The following DCDC2B variants were observed in gnomAD, a reference collection of about 807,000 sequenced individuals.
The protein encoded by DCDC2B is doublecortin domain containing 2B.
A neutral mutation model predicts 38.9 loss-of-function variants in DCDC2B; 41 were observed. The ratio of observed to expected loss-of-function variants is 1.05; its 90% CI spans 0.82 to 1.37. The LOEUF is 1.37. DCDC2B is among the 40% of genes most tolerant of loss of function. The pLI is 0.00. For synonymous variants in DCDC2B, 181 were observed against 171.9 expected (o/e 1.05, Z -0.41); for missense variants, 453 against 427.2 (o/e 1.06, Z -0.53).
chr1:32,209,676 A>AC (rs1643501074), intron 1 of DCDC2B, among the ~76,000 whole-genome samples: 1 of 151,408 alleles, frequency 6.6e-6, no homozygotes, highest in African/African-American at 2.4e-5. Flanking sequence ...TCTTGCTTGG[A>AC]CCCCCTATCA....
intron 3 of DCDC2B, 51 bp from the exon 4 acceptor site, chr1:32,212,015 CCTCA>C (rs1643605912): frequency 6.3e-7 from 1 of 1,587,004 alleles, no homozygotes; most frequent in South Asian, 1.1e-5. Flanking sequence ...CCACCCTTCC[CCTCA>C]CATGTAGGGA....
rs749490106 is a variant in DCDC2B at position 32,211,313 on chromosome 1, G to C, written c.308G>C (p.Cys103Ser). Residue 103 changes from cysteine to serine, a missense_variant, in exon 2 of 9, where the codon TGC becomes TCC. Coordinates refer to ENST00000409358, the MANE Select transcript of DCDC2B (RefSeq NM_001099434.2). ...GGGAAGGACCCAGGTGGGAAGAGCT[G>C]CAGACTACAAGTGAGTCCCGGGGAA... ...HRGKDPGGKS[C>S]RLQGPPVTRH... 1 of 1,613,846 alleles carries C rather than the reference G, an allele frequency of 6.2e-7. No homozygotes were observed. Among genetic ancestry groups the C allele is most frequent in the Non-Finnish European group, 8.5e-7 (1 of 1,179,840 alleles).
In DCDC2B at chr1:32,215,537, G is replaced by C; in HGVS notation, c.948G>C (p.Leu316Phe). 1 of 1,613,260 alleles carries C rather than the reference G, an allele frequency of 6.2e-7. No individual in the cohort carries two copies. The change falls in exon 8 of 9, where the codon TTG becomes TTC. Residue 316 changes from leucine to phenylalanine, a missense_variant. Coordinates refer to ENST00000409358, the MANE Select transcript of DCDC2B (RefSeq NM_001099434.2). ...DDEDTQTEEPLDQRAAQIVEE... is the reference protein window; with the variant it reads ...DDEDTQTEEPFDQRAAQIVEE... The stretch of plus-strand genomic sequence containing the variant: ...AAGACACTCAGACAGAGGAGCCCTT[G>C]GATCAGGTAAGCTGTTGGATCAGGA...
intron 1 of DCDC2B, 111 bp downstream of exon 1, chr1:32,209,470 T>C: frequency 2.7e-6 from 4 of 1,460,350 alleles, no homozygotes; most frequent in Non-Finnish European, 1.8e-6. Context: ...TACTGAACTC[T>C]ATGTAGGGGG....
chr1:32,211,711 T>C, intron 2 of DCDC2B, 50 bp from the exon 3 acceptor site: 2 of 1,557,654 alleles, frequency 1.3e-6, no homozygotes, highest in Non-Finnish European at 1.7e-6. Flanking sequence ...GGCCCACCCC[T>C]AACCAAAGGC....
intron 1 of DCDC2B, 46 bp downstream of exon 1, chr1:32,209,405 G>GTT: frequency 6.2e-7 from 1 of 1,601,874 alleles, no homozygotes; most frequent in Non-Finnish European, 8.5e-7. Flanking sequence ...GGGAGGTAAC[G>GTT]GCAAGAGCGT....
rs542794893 is a variant in DCDC2B, at chr1:32,211,388, A to G, written c.318+65A>G. On this transcript the variant is annotated intron_variant, in intron 2 of 8. Coordinates refer to ENST00000409358, the MANE Select transcript of DCDC2B (RefSeq NM_001099434.2). ...CCCACTCCTCCTGGAACTGCCCCCA[A>G]TTTGGTCTGGGAAGCCAGGGAAGCA... The G allele has an allele frequency of 1.0e-4, 163 of 1,577,138 alleles. 3 individuals are homozygous for G. In the South Asian group the frequency reaches 1.7e-3, roughly 16 times the overall value.
rs1643721585 is a variant in DCDC2B at position 32,214,566 on chromosome 1, G to C, written c.715-231G>C. On this transcript the variant is annotated intron_variant, in intron 6 of 8. Coordinates refer to ENST00000409358, the MANE Select transcript of DCDC2B (RefSeq NM_001099434.2). ...ATGGTGGTGGGGGTGGGGAAGCACA[G>C]TCTGGTTTCACTGGGCATCGAGGAG... The C allele has an allele frequency of 2.7e-5, 15 of 551,186 alleles. 1 individual carries two copies. The highest frequency in any genetic ancestry group is 2.3e-4 in the South Asian group (11 of 46,878). 34.1% of individuals were successfully genotyped at this position (551,186 alleles called of 1,614,324 possible).
chr1:32,211,284 T>C lies in DCDC2B; in HGVS notation c.279T>C (p.His93=). Residue 93 remains histidine, a synonymous_variant, in exon 2 of 9, where the codon CAT becomes CAC. Coordinates refer to ENST00000409358, the MANE Select transcript of DCDC2B (RefSeq NM_001099434.2). ...ERFHKLHYLP[H]RGKDPGGKSC... The stretch of plus-strand genomic sequence containing the variant: ...TCTGTCCTTTCAGCTATTTACCCCA[T>C]AGAGGGAAGGACCCAGGTGGGAAGA... The C allele has an allele frequency of 6.2e-7, 1 of 1,613,740 alleles. No homozygotes were observed. Among genetic ancestry groups the C allele is most frequent in the African/African-American group, 1.3e-5 (1 of 75,010 alleles).
At chr1:32,210,423 G>A (rs1005201916) in intron 1 of DCDC2B, among the ~76,000 whole-genome samples, 6 of 150,750 alleles carry the variant, frequency 4.0e-5, no homozygotes, top group African/African-American at 7.3e-5. Context: ...GCTTGAACCC[G>A]TGAGGCGGAG....
chr1:32,210,241 C>T (rs528779797), intron 1 of DCDC2B, among the ~76,000 whole-genome samples: 2 of 151,158 alleles, frequency 1.3e-5, no homozygotes, highest in Admixed American at 6.6e-5. Flanking sequence ...GCAGGAGAAT[C>T]GCTTGAACCT....
At chr1:32,215,386 A>C in intron 7 of DCDC2B, 54 bp from the exon 8 acceptor site, 1 of 1,460,606 alleles carries the variant, frequency 6.8e-7, no homozygotes, top group South Asian at 1.2e-5. Flanking sequence ...CCAGGGCAGG[A>C]ATGCTGAGGG....
At chr1:32,215,636 CT>C (rs1269866242) in intron 8 of DCDC2B, 93 bp downstream of exon 8, 21 of 1,237,322 alleles carry the variant, frequency 1.7e-5, no homozygotes, top group Non-Finnish European at 2.0e-5. Context: ...GTTCTCCTCC[CT>C]TGTGATTGAA....
chr1:32,213,932 G>A (rs1013097468), intron 6 of DCDC2B, among the ~76,000 whole-genome samples: 5 of 151,908 alleles, frequency 3.3e-5, no homozygotes, highest in East Asian at 2.0e-4. Context: ...GATTACAGTC[G>A]TGAGCCACCT....
chr1:32,211,258 A>T lies in DCDC2B; in HGVS notation c.267-14A>T. ...GTCTCCACAAGATGACCTGTGATCT[A>T]TCTGTCCTTTCAGCTATTTACCCCA... On this transcript the variant is annotated splice_polypyrimidine_tract_variant and intron_variant, in intron 1 of 8. Transcript: ENST00000409358. 8.7e-6 allele frequency: 14 copies of T among 1,613,594 alleles called. No individual in the cohort carries two copies. The highest frequency in any genetic ancestry group is 1.2e-5 in the Non-Finnish European group (14 of 1,179,650).
chr1:32,214,624 G>A, intron 6 of DCDC2B, 173 bp from the exon 7 acceptor site: 1 of 879,150 alleles, frequency 1.1e-6, no homozygotes, highest in Non-Finnish European at 1.7e-6. Flanking sequence ...CCCTGGATAA[G>A]TCAGGCTGGT....
rs757890291 is a variant in DCDC2B, at chr1:32,209,178, A to T, written c.85A>T (p.Thr29Ser). 1.9e-6 allele frequency: 3 copies of T among 1,613,840 alleles called. No homozygotes were observed. In the Admixed American group the frequency reaches 5.0e-5, roughly 27 times the overall value. The part of the protein sequence containing the change: ...PFFPGSQLVV[T>S]QRRFPTMEAF... ...CTTCCCAGGCTCCCAGCTGGTGGTG[A>T]CTCAACGCCGCTTCCCCACCATGGA... The change falls in exon 1 of 9, where the codon ACT becomes TCT. Residue 29 changes from threonine to serine, a missense_variant. Physicochemically the swap from Thr to Ser is moderately conservative, Grantham distance 58. Transcript: ENST00000409358.
At position 32,209,259 on chromosome 1, in the gene DCDC2B, C is replaced by T. The variant is rs1478456068; in HGVS notation, c.166C>T (p.Leu56Phe). ...AVQAPLAVRA[L>F]YTPCHGHPVT... ...GCAGGCCCCACTGGCTGTGCGTGCC[C>T]TCTACACACCTTGTCATGGCCACCC... Residue 56 changes from leucine to phenylalanine, a missense_variant, in exon 1 of 9, where the codon CTC (leucine) becomes TTC (phenylalanine). Leu to Phe is a conservative substitution (Grantham distance 22). Transcript: ENST00000409358. 1.9e-6 allele frequency: 3 copies of T among 1,613,992 alleles called. No individual in the cohort carries two copies. Among genetic ancestry groups the T allele is most frequent in the Admixed American group, 1.7e-5 (1 of 60,022 alleles).
At chr1:32,209,695 T>A (rs373619969) in intron 1 of DCDC2B, among the ~76,000 whole-genome samples, 16 of 152,016 alleles carry the variant, frequency 1.1e-4, no homozygotes, top group African/African-American at 3.6e-4. Flanking sequence ...CACTGAACAC[T>A]CTAAATCCAC....
Sources: allele counts gnomAD v4.1 joint callset (sites outside exome capture counted in the v4.1 genomes callset), GRCh38; gene constraint gnomAD v4.1.1; transcripts MANE v1.5; gene names NCBI Gene and HGNC (gene_info 2026-07-23, HGNC 2026-07-21).